Variants in COL21A1 observed in about 807,000 individuals in gnomAD.
COL21A1 encodes collagen alpha-1(XXI) chain.
COL21A1 carries 149 observed loss-of-function variants against 137.9 expected under a neutral mutation model. The ratio of observed to expected loss-of-function variants is 1.08; its 90% CI spans 0.95 to 1.24. The LOEUF (loss-of-function observed/expected upper bound fraction) is 1.24. Among genes scored for constraint, COL21A1 ranks in the 50% most tolerant of loss-of-function variants. The pLI is 0.00. For missense variants in COL21A1, 1,167 were observed against 1,158.4 expected, an observed-to-expected ratio of 1.01 and a Z score of -0.11; for synonymous variants, 456 against 391.5, an observed-to-expected ratio of 1.16 and a Z score of -1.95.
At chr6:56,187,835 A>C (rs9475595) in intron 1 of COL21A1, among the ~76,000 whole-genome samples, 3,291 of 152,344 alleles carry the variant, frequency 0.022, 119 homozygotes, top group African/African-American at 0.075. Flanking sequence ...ATTTCATCAA[A>C]ATTAAACATT....
intron 1 of COL21A1, among the ~76,000 whole-genome samples, chr6:56,231,548 G>A (rs1272736491): frequency 1.3e-5 from 2 of 151,808 alleles, no homozygotes; most frequent in East Asian, 1.9e-4. Context: ...ACCAGGGGCT[G>A]AGAAGATAAG....
At chr6:56,358,169 T>G (rs947769961) in intron 1 of COL21A1, among the ~76,000 whole-genome samples, 3 of 152,118 alleles carry the variant, frequency 2.0e-5, no homozygotes, top group African/African-American at 7.2e-5. Context: ...TTGATACGGT[T>G]TTAGGTTTCA....
intron 17 of COL21A1, chr6:56,091,511 G>A (rs1029790659): frequency 7.9e-5 from 12 of 152,516 alleles, no homozygotes; most frequent in Admixed American, 7.9e-4. Flanking sequence ...ATAGATCCAG[G>A]AAACACGGCA....
intron 1 of COL21A1, among the ~76,000 whole-genome samples, chr6:56,315,321 C>T (rs1241213212): frequency 6.6e-6 from 1 of 152,194 alleles, no homozygotes; most frequent in African/African-American, 2.4e-5. Context: ...ATAGGCTGAC[C>T]AGTCACCTAT....
chr6:56,086,563 T>C (rs148883811), intron 17 of COL21A1, among the ~76,000 whole-genome samples: 1 of 152,276 alleles, frequency 6.6e-6, no homozygotes, highest in African/African-American at 2.4e-5. Context: ...ATAAAGGTCT[T>C]CACCCTCATC....
rs114980314 is a variant in COL21A1, at chr6:56,192,414, T to C, written c.-38-9758A>G. On this transcript the variant is annotated intron_variant, in intron 1 of 29. Transcript: ENST00000244728. ...AAACTACCATCAGAATGGGAGATAA[T>C]TTTTGAAATCTATCCATCTATCCAA... Among the ~76,000 whole-genome samples, 425 of 151,346 alleles carry C rather than the reference T, an allele frequency of 2.8e-3. 3 individuals are homozygous for C. The highest frequency in any genetic ancestry group is 9.9e-3 in the African/African-American group (411 of 41,384).
Position 56,362,079 on chromosome 6 carries a change from C to A in COL21A1, c.-39+31892G>T, listed in dbSNP as rs563982658. Among the ~76,000 whole-genome samples the A allele has an allele frequency of 3.0e-4, 46 of 152,286 alleles. No homozygotes were observed. The South Asian group carries it at 4.3e-3, about 14-fold the overall frequency. On this transcript the variant is annotated intron_variant, in intron 1 of 28. Transcript: ENST00000370819. ...CTGGAAACCCTTGCCCAATCCACCC[C>A]CGACCCGTCCACCATCTCCTACTAC... is the stretch of plus-strand genomic sequence containing the variant.
At chr6:56,109,531 C>T (rs910021631) in intron 16 of COL21A1, among the ~76,000 whole-genome samples, 4 of 151,576 alleles carry the variant, frequency 2.6e-5, no homozygotes, top group African/African-American at 7.3e-5. Flanking sequence ...CAGACAAATT[C>T]CCATGGAAAA....
At chr6:56,313,808 A>C (rs2152340016) in intron 1 of COL21A1, among the ~76,000 whole-genome samples, 1 of 152,266 alleles carries the variant, frequency 6.6e-6, no homozygotes, top group Middle Eastern at 3.4e-3. Context: ...CCTTGATAGA[A>C]AGGGAACAGA....
intron 1 of COL21A1, among the ~76,000 whole-genome samples, chr6:56,374,008 T>A (rs1251511049): frequency 2.0e-5 from 3 of 152,202 alleles, no homozygotes; most frequent in African/African-American, 7.2e-5. Context: ...CCTTCCCAAC[T>A]TAGCCACCCT....
intron 1 of COL21A1, among the ~76,000 whole-genome samples, chr6:56,290,361 G>A (rs1009892802): frequency 8.6e-5 from 13 of 151,982 alleles, no homozygotes; most frequent in African/African-American, 2.9e-4. Context: ...AGCATCCCCC[G>A]GCTAATTCTG....
intron 1 of COL21A1, among the ~76,000 whole-genome samples, chr6:56,362,020 C>G (rs759880885): frequency 6.6e-5 from 10 of 152,146 alleles, no homozygotes; most frequent in Non-Finnish European, 1.2e-4. Context: ...TGAATCAGGT[C>G]TCCAGGTTAA....
chr6:56,324,570 G>A (rs1282085390), intron 1 of COL21A1, among the ~76,000 whole-genome samples: 1 of 152,004 alleles, frequency 6.6e-6, no homozygotes. Flanking sequence ...GTGGAGTAGG[G>A]TCCTGGATAC....
Position 56,170,811 on chromosome 6 carries a change from T to C in COL21A1, c.864A>G (p.Arg288=). 1 of 1,611,026 alleles carries C rather than the reference T, an allele frequency of 6.2e-7. No individual in the cohort carries two copies. Among genetic ancestry groups the C allele is most frequent in the East Asian group, 2.2e-5 (1 of 44,802 alleles). Residue 288 remains arginine (R), a synonymous_variant, in exon 5 of 30, where the codon AGA becomes AGG. Transcript: ENST00000244728. Reference sequence around the variant, plus strand: ...AATCCCAAATTTTCTTGACTTTAAATCTTTGAGTAGACACAAATACATATG... The same window carrying C: ...AATCCCAAATTTTCTTGACTTTAAACCTTTGAGTAGACACAAATACATATG... ...PPSYVFVSTQ[R]FKVKKIWDLW... is the part of the protein sequence containing the mutation.
chr6:56,232,059 G>A (rs1035042313), intron 1 of COL21A1, among the ~76,000 whole-genome samples: 6 of 151,878 alleles, frequency 4.0e-5, no homozygotes, highest in African/African-American at 1.2e-4. Context: ...TTGACTATCT[G>A]CCAAGTGGGA....
chr6:56,241,721 C>T (rs1782338288), intron 1 of COL21A1, among the ~76,000 whole-genome samples: 1 of 152,164 alleles, frequency 6.6e-6, no homozygotes, highest in South Asian at 2.1e-4. Context: ...CCACATTGAA[C>T]ACTTTCTAAA....
chr6:56,153,327 T>C (rs1775472971), intron 10 of COL21A1, among the ~76,000 whole-genome samples: 1 of 152,138 alleles, frequency 6.6e-6, no homozygotes, highest in African/African-American at 2.4e-5. Context: ...ACACTCTCCA[T>C]CCAGGCCAAG....
intron 21 of COL21A1, among the ~76,000 whole-genome samples, chr6:56,070,434 G>A (rs62406153): frequency 0.15 from 22,859 of 151,468 alleles, 1,757 homozygotes; most frequent in Middle Eastern, 0.22. Context: ...AGAACTACAT[G>A]CTCCTGTTTT....
chr6:56,391,365 A>G (rs2094029300), intron 1 of COL21A1, among the ~76,000 whole-genome samples: 1 of 152,118 alleles, frequency 6.6e-6, no homozygotes, highest in South Asian at 2.1e-4. Context: ...CTTCAAACAA[A>G]TAACAATGCA....
Sources: gnomAD v4.1 joint callset for allele counts (sites outside exome capture counted in the v4.1 genomes callset) on GRCh38, gnomAD v4.1.1 for gene constraint, MANE v1.5 for transcripts, NCBI Gene and HGNC (gene_info 2026-07-23, HGNC 2026-07-21) for gene names.